The following CAPN13 variants were observed in gnomAD, a reference collection of about 807,000 sequenced individuals.
CAPN13 encodes the protein calpain 13.
In CAPN13, 90 loss-of-function variants were observed where a neutral mutation model predicts 98.4. The ratio of observed to expected loss-of-function variants is 0.92; its 90% CI spans 0.77 to 1.09. CAPN13 has a LOEUF of 1.09. Among genes scored for constraint, CAPN13 ranks in the 50% least tolerant of loss-of-function variants. The pLI is 0.00. For missense variants in CAPN13, 887 were observed against 841.3 expected (o/e 1.05, Z -0.67); for synonymous variants, 330 against 305.5 (o/e 1.08, Z -0.84).
At chr2:30,734,418 G>C (rs747093317) in intron 19 of CAPN13, 31 bp downstream of exon 19, 1 of 1,584,650 alleles carries the variant, frequency 6.3e-7, no homozygotes, top group South Asian at 1.1e-5. Context: ...CCCGGACCTT[G>C]GGCACCACAG....
intron 4 of CAPN13, among the ~76,000 whole-genome samples, chr2:30,774,668 A>C (rs1673595315): frequency 6.6e-6 from 1 of 152,186 alleles, no homozygotes; most frequent in Admixed American, 6.5e-5. Flanking sequence ...AATTAAAGAA[A>C]TCACATTTAA....
At chr2:30,758,005 G>C in intron 8 of CAPN13, 41 bp downstream of exon 8, 1 of 1,488,326 alleles carries the variant, frequency 6.7e-7, no homozygotes, top group Non-Finnish European at 9.1e-7. Context: ...CCGACACCAA[G>C]CGCTCTGTGA....
At chr2:30,800,103 AAAGAAAAGAAAGAAAAGAAAG>A (rs1675115574) in intron 1 of CAPN13, among the ~76,000 whole-genome samples, 1 of 141,924 alleles carries the variant, frequency 7.0e-6, no homozygotes, top group African/African-American at 2.8e-5. Flanking sequence ...GAAAAGAAAG[AAAGAAAAGAAAGAAAAGAAAG>A]AAAGAAAGAA....
chr2:30,767,531 G>A (rs766261143), intron 5 of CAPN13, among the ~76,000 whole-genome samples: 9 of 152,174 alleles, frequency 5.9e-5, no homozygotes, highest in East Asian at 1.9e-4. Flanking sequence ...AGGATAAAAC[G>A]AGGCCCTGAA....
At chr2:30,774,388 A>C (rs1673577173) in intron 4 of CAPN13, among the ~76,000 whole-genome samples, 1 of 152,130 alleles carries the variant, frequency 6.6e-6, no homozygotes, top group African/African-American at 2.4e-5. Flanking sequence ...ACAAACAAAC[A>C]CAACACCCAC....
chr2:30,766,291 T>A (rs1269185099), intron 5 of CAPN13, among the ~76,000 whole-genome samples: 3 of 152,224 alleles, frequency 2.0e-5, no homozygotes, highest in Non-Finnish European at 4.4e-5. Flanking sequence ...CCTGACGTCC[T>A]GCACCCACAG....
intron 1 of CAPN13, among the ~76,000 whole-genome samples, chr2:30,801,604 TAAAAAAAAAAAA>T (rs10609363): frequency 8.7e-5 from 7 of 80,020 alleles, no homozygotes; most frequent in Non-Finnish European, 1.6e-4. Context: ...GACTCAGTCT[TAAAAAAAAAAAA>T]AAAAAAAAAA....
rs776414067 is a variant in CAPN13 at position 30,777,574 on chromosome 2, T to G, written c.264A>C (p.Gly88=). The stretch of plus-strand genomic sequence containing the variant: ...AAGATGTTGCACTCTTACCTGCGCC[T>G]CCTTGTTGGATGTCAAATCTGCTTA... The part of the protein sequence containing the change: ...DDISRFDIQQ[G]GAADCWFLAA... Residue 88 remains glycine (G), a synonymous_variant, in exon 3 of 23, where the codon GGA becomes GGC. Coordinates refer to ENST00000295055, the MANE Select transcript of CAPN13 (RefSeq NM_144575.3). 61 of 1,575,780 alleles carry G rather than the reference T, an allele frequency of 3.9e-5. No homozygotes were observed. The South Asian group carries it at 6.9e-4, about 18-fold the overall frequency.
At chr2:30,766,522 A>G (rs897734046) in intron 5 of CAPN13, among the ~76,000 whole-genome samples, 4 of 152,176 alleles carry the variant, frequency 2.6e-5, no homozygotes, top group African/African-American at 9.7e-5. Context: ...CATGGCAACT[A>G]TTCTTAGCCC....
rs927601713 is a variant in CAPN13 at position 30,764,323 on chromosome 2, G to T, written c.525-17C>A. The T allele has an allele frequency of 3.1e-6, 5 of 1,612,082 alleles. No homozygotes were observed. The highest frequency in any genetic ancestry group is 3.4e-6 in the Non-Finnish European group (4 of 1,179,090). ...CCGAGCAGCCTGGGAGGGAATGGGG[G>T]ATGAACCATCGTGGTGCCTTTGGTG... is the stretch of plus-strand genomic sequence containing the variant. On this transcript the variant is annotated splice_polypyrimidine_tract_variant and intron_variant, in intron 5 of 22. Transcript: ENST00000295055.
At chr2:30,781,200 G>C (rs1217449207) in intron 2 of CAPN13, among the ~76,000 whole-genome samples, 4 of 152,198 alleles carry the variant, frequency 2.6e-5, no homozygotes, top group Non-Finnish European at 5.9e-5. Context: ...TTTGTTCCAG[G>C]TCACACAAGA....
intron 1 of CAPN13, among the ~76,000 whole-genome samples, chr2:30,800,417 T>C (rs145906792): frequency 1.3e-5 from 2 of 152,336 alleles, no homozygotes; most frequent in East Asian, 1.9e-4. Context: ...AGCCTCTTCC[T>C]GAATCATAGC....
chr2:30,776,186 G>C (rs939032158), intron 3 of CAPN13, 141 bp from the exon 4 acceptor site: 4 of 556,464 alleles, frequency 7.2e-6, no homozygotes, highest in African/African-American at 3.8e-5. Context: ...GAGGAGAACC[G>C]GGGGAGGGAG....
intron 1 of CAPN13, among the ~76,000 whole-genome samples, chr2:30,806,839 T>A (rs1017004439): frequency 1.3e-5 from 2 of 152,196 alleles, no homozygotes; most frequent in Non-Finnish European, 2.9e-5. Flanking sequence ...ATAAGCTAGA[T>A]GATTAGAAAA....
intron 4 of CAPN13, 33 bp from the exon 5 acceptor site, chr2:30,770,482 G>T (rs767267209): frequency 1.2e-6 from 2 of 1,607,252 alleles, no homozygotes; most frequent in Non-Finnish European, 1.7e-6. Context: ...CTTTGACAGA[G>T]TTGAGGCAGA....
At chr2:30,804,240 A>G (rs779327384) in intron 1 of CAPN13, among the ~76,000 whole-genome samples, 1 of 152,192 alleles carries the variant, frequency 6.6e-6, no homozygotes, top group Non-Finnish European at 1.5e-5. Context: ...TCACTCTGTC[A>G]GCAAGGCTGG....
At chr2:30,758,575 G>T (rs1283971961) in intron 7 of CAPN13, among the ~76,000 whole-genome samples, 1 of 152,184 alleles carries the variant, frequency 6.6e-6, no homozygotes. Flanking sequence ...GGGAGCTATG[G>T]TGCAGTCTCA....
intron 1 of CAPN13, among the ~76,000 whole-genome samples, chr2:30,792,624 C>T (rs1674659980): frequency 6.6e-6 from 1 of 152,016 alleles, no homozygotes; most frequent in Admixed American, 6.5e-5. Context: ...AATTCTATTA[C>T]ACCTTCAAGG....
chr2:30,788,068 G>A (rs1171129340), intron 1 of CAPN13, among the ~76,000 whole-genome samples: 9 of 152,050 alleles, frequency 5.9e-5, no homozygotes, highest in African/African-American at 1.9e-4. Flanking sequence ...CTTTATAGGT[G>A]GAGAATTGAA....
Sources: allele counts gnomAD v4.1 joint callset (sites outside exome capture counted in the v4.1 genomes callset), GRCh38; gene constraint gnomAD v4.1.1; transcripts MANE v1.5; gene names NCBI Gene and HGNC (gene_info 2026-07-23, HGNC 2026-07-21).